Variants in RBM19 observed in about 807,000 individuals in gnomAD.
RBM19 encodes probable RNA-binding protein 19.
Under a neutral mutation model 116.8 loss-of-function variants are expected in RBM19, and 94 were observed. The ratio of observed to expected loss-of-function variants is 0.80; its 90% CI spans 0.68 to 0.95. The LOEUF (loss-of-function observed/expected upper bound fraction) is 0.95. Ranked by LOEUF, RBM19 falls within the 40% of genes least tolerant of loss-of-function variation. RBM19 has a pLI of 0.00. For synonymous variants in RBM19, 475 were observed against 494.1 expected, an observed-to-expected ratio of 0.96 and a Z score of 0.51; for missense variants, 1,161 against 1,220.7, an observed-to-expected ratio of 0.95 and a Z score of 0.73.
intron 21 of RBM19, among the ~76,000 whole-genome samples, chr12:113,892,892 T>C (rs1358043422): frequency 6.6e-6 from 1 of 152,154 alleles, no homozygotes; most frequent in Non-Finnish European, 1.5e-5. Flanking sequence ...TGCACAGTAA[T>C]ATGGGGGAGG....
rs1872286187 is a variant in RBM19 at position 113,959,412 on chromosome 12, C to T, written c.379-8G>A. 2 of 1,595,736 alleles carry T rather than the reference C, an allele frequency of 1.3e-6. No individual in the cohort carries two copies. The highest frequency in any genetic ancestry group is 8.6e-7 in the Non-Finnish European group (1 of 1,164,908). Reference sequence around the variant, plus strand: ...CTCTGTATCCTCCTTCAGCTGGTGGCACCAGAACCCGGGCGGCAGGGACAC... The same window carrying T: ...CTCTGTATCCTCCTTCAGCTGGTGGTACCAGAACCCGGGCGGCAGGGACAC... On this transcript the variant is annotated splice_polypyrimidine_tract_variant and splice_region_variant and intron_variant, in intron 4 of 23. Coordinates refer to ENST00000261741, the MANE Select transcript of RBM19 (RefSeq NM_016196.4).
At chr12:113,817,769 G>T (rs535778390), downstream of RBM19, 1 of 152,558 alleles carries the variant, frequency 6.6e-6, no homozygotes, top group South Asian at 2.1e-4. Context: ...TGGCCATGGA[G>T]TCCTCACCCA....
At chr12:113,966,102 A>G in intron 1 of RBM19, 90 bp downstream of exon 1, 2 of 1,554,718 alleles carry the variant, frequency 1.3e-6, no homozygotes, top group South Asian at 1.1e-5. Flanking sequence ...CAGAGCAAAA[A>G]TTCTTCGATC....
At chr12:113,948,799 TG>T in intron 10 of RBM19, 33 bp downstream of exon 10, 3 of 1,608,118 alleles carry the variant, frequency 1.9e-6, no homozygotes, top group Non-Finnish European at 2.6e-6. Context: ...CCATAGCCGC[TG>T]GGCTATCCAC....
chr12:113,913,530 T>C (rs552483178), intron 21 of RBM19, among the ~76,000 whole-genome samples: 1 of 152,326 alleles, frequency 6.6e-6, no homozygotes, highest in African/African-American at 2.4e-5. Flanking sequence ...ATGAACTGAA[T>C]ACTAGTGTAT....
At chr12:113,844,495 G>A (rs1471037516) in intron 23 of RBM19, among the ~76,000 whole-genome samples, 173 bp downstream of exon 23, 2 of 151,970 alleles carry the variant, frequency 1.3e-5, no homozygotes, top group Non-Finnish European at 1.5e-5. Context: ...AGTGCCCAAG[G>A]AAGGTGGACA....
At chr12:113,884,789 T>G (rs930135329) in intron 21 of RBM19, among the ~76,000 whole-genome samples, 1 of 152,074 alleles carries the variant, frequency 6.6e-6, no homozygotes, top group Non-Finnish European at 1.5e-5. Context: ...TGGGGACACA[T>G]TGAAAGGACA....
intron 21 of RBM19, among the ~76,000 whole-genome samples, chr12:113,867,743 A>T (rs1306666879): frequency 6.6e-6 from 1 of 152,136 alleles, no homozygotes; most frequent in Non-Finnish European, 1.5e-5. Context: ...CAACATGGTG[A>T]AGCCCCATTT....
intron 16 of RBM19, among the ~76,000 whole-genome samples, chr12:113,929,490 C>T (rs1869412281): frequency 6.6e-6 from 1 of 152,190 alleles, no homozygotes; most frequent in Non-Finnish European, 1.5e-5. Flanking sequence ...AGAGAGACTC[C>T]ATGGTGTGGC....
At chr12:113,829,485 CGTAA>C (rs1217050961) in intron 23 of RBM19, among the ~76,000 whole-genome samples, 2 of 152,172 alleles carry the variant, frequency 1.3e-5, no homozygotes, top group African/African-American at 4.8e-5. Context: ...TCATGGGGAC[CGTAA>C]GGATTCCTGC....
chr12:113,832,970 G>T (rs28712165), intron 23 of RBM19, among the ~76,000 whole-genome samples: 3,862 of 152,154 alleles, frequency 0.025, 156 homozygotes, highest in African/African-American at 0.087. Flanking sequence ...AAGTGGGGAG[G>T]GGGGGTTAAC....
In RBM19 at chr12:113,903,290, T is replaced by C. The variant is rs148157914; in HGVS notation, c.2558+11679A>G. Among the ~76,000 whole-genome samples the C allele has an allele frequency of 8.5e-4, 130 of 152,360 alleles. No individual in the cohort carries two copies. The highest frequency in any genetic ancestry group is 3.0e-3 in the African/African-American group (123 of 41,588). On this transcript the variant is annotated intron_variant, in intron 21 of 23. Transcript: ENST00000261741. This position sits in a 1 kb window ranked among gnomAD's most constrained non-coding sequence, Gnocchi z 5.1. Reference sequence around the variant, plus strand: ...ATACAGAATCATAGGATACGTGGCCTTTCGTGTCTGGCTTCTTTCACTCAG... The same window carrying C: ...ATACAGAATCATAGGATACGTGGCCCTTCGTGTCTGGCTTCTTTCACTCAG...
intron 23 of RBM19, among the ~76,000 whole-genome samples, chr12:113,835,820 A>G (rs938089162): frequency 6.6e-6 from 1 of 152,200 alleles, no homozygotes; most frequent in Admixed American, 6.5e-5. Context: ...GACGCTAACC[A>G]CAGCCCATCA....
At chr12:113,918,543 G>C in intron 19 of RBM19, 96 bp from the exon 20 acceptor site, 2 of 1,323,284 alleles carry the variant, frequency 1.5e-6, no homozygotes, top group Non-Finnish European at 2.1e-6. Context: ...CTCGCAGATG[G>C]GAGCCTGATT....
chr12:113,880,764 T>A (rs893682862), intron 21 of RBM19, among the ~76,000 whole-genome samples: 3 of 152,174 alleles, frequency 2.0e-5, no homozygotes, highest in African/African-American at 7.2e-5. Context: ...TGATGCCCCC[T>A]AATTTACTGT....
intron 1 of RBM19, among the ~76,000 whole-genome samples, chr12:113,963,246 A>C (rs1357188451): frequency 6.6e-6 from 1 of 152,228 alleles, no homozygotes; most frequent in Non-Finnish European, 1.5e-5. Flanking sequence ...GCACTAAAAA[A>C]CTAACACACT....
At chr12:113,852,014 G>C (rs1446582216) in intron 22 of RBM19, among the ~76,000 whole-genome samples, 3 of 151,638 alleles carry the variant, frequency 2.0e-5, no homozygotes, top group Non-Finnish European at 4.4e-5. Context: ...ACATGCCACT[G>C]CACTCCAGCC....
chr12:113,869,004 C>T lies in RBM19; in HGVS notation c.2559-10108G>A, dbSNP rs114559009. On this transcript the variant is annotated intron_variant, in intron 21 of 23. Transcript: ENST00000261741. ...CAACGTCCCCCAGCCCACACAATGT[C>T]GTTGAATCCAGGTTCCTGGCATGTA... Among the ~76,000 whole-genome samples, 1,098 of 152,278 alleles carry T rather than the reference C, an allele frequency of 7.2e-3. 10 individuals are homozygous for T. Among genetic ancestry groups the T allele is most frequent in the African/African-American group, 0.021 (883 of 41,552 alleles).
chr12:113,819,945 G>A (rs913475380), downstream of RBM19, among the ~76,000 whole-genome samples: 3 of 151,408 alleles, frequency 2.0e-5, no homozygotes, highest in Non-Finnish European at 4.4e-5. Context: ...GTTTAAAACA[G>A]TTATTTTTGA....
Sources: allele counts gnomAD v4.1 joint callset (sites outside exome capture counted in the v4.1 genomes callset), GRCh38; gene constraint gnomAD v4.1.1; non-coding constraint Gnocchi (gnomAD v3.1); transcripts MANE v1.5; gene names NCBI Gene and HGNC (gene_info 2026-07-23, HGNC 2026-07-21).